Variants in LY75 observed in about 807,000 individuals in gnomAD.
The protein encoded by LY75 is lymphocyte antigen 75.
LY75 carries 185 observed loss-of-function variants against 231.7 expected under a neutral mutation model. The observed-to-expected ratio is 0.80, with a 90% CI of 0.71 to 0.90. LY75 has a LOEUF of 0.90. LY75 is among the 40% of genes least tolerant of loss of function. The pLI, the probability that LY75 is intolerant of heterozygous loss-of-function variation, is 0.00. For missense variants in LY75, 1,947 were observed against 2,050.2 expected (o/e 0.95, Z 0.97); for synonymous variants, 668 against 689.0 (o/e 0.97, Z 0.48).
chr2:159,850,412 C>T lies in LY75; in HGVS notation c.2939G>A (p.Cys980Tyr), dbSNP rs1482886122. The T allele has an allele frequency of 6.2e-7, 1 of 1,613,666 alleles. No individual in the cohort carries two copies. Among genetic ancestry groups the T allele is most frequent in the South Asian group, 1.1e-5 (1 of 91,058 alleles). The change falls in exon 22 of 35, where the codon TGT becomes TAT. Residue 980 changes from cysteine (C) to tyrosine (Y), a missense_variant. Coordinates refer to ENST00000263636, the MANE Select transcript of LY75 (RefSeq NM_002349.4). ...SLTFSQASDT[C>Y]HSYGGTLPSV... ...AGGAAGGGTGCCACCATAGGAGTGA[C>T]AGGTATCGCTTGCTTGAGAAAATGT...
At chr2:159,815,808 AC>A (rs1396154709) in intron 30 of LY75, among the ~76,000 whole-genome samples, 1 of 152,206 alleles carries the variant, frequency 6.6e-6, no homozygotes, top group Non-Finnish European at 1.5e-5. Context: ...CAGAGTTACT[AC>A]ACCTGGTCTT....
rs548739356 is a variant in LY75 at position 159,853,780 on chromosome 2, T to C, written c.2596-83A>G. ...ATTCGAATACATTGTCTTACTATAA[T>C]CACTAACCACTAAAATTTCCAGACA... is the stretch of plus-strand genomic sequence containing the variant. On this transcript the variant is annotated intron_variant, in intron 18 of 34. Coordinates refer to ENST00000263636, the MANE Select transcript of LY75 (RefSeq NM_002349.4). 9.6e-5 allele frequency: 149 copies of C among 1,558,930 alleles called. No homozygotes were observed. In the East Asian group the frequency reaches 3.3e-3, roughly 35 times the overall value.
At chr2:159,880,109 T>A (rs979256193) in intron 8 of LY75, among the ~76,000 whole-genome samples, 2 of 152,202 alleles carry the variant, frequency 1.3e-5, no homozygotes, top group African/African-American at 4.8e-5. Context: ...AAACTTCTTT[T>A]AAATACACAT....
chr2:159,805,868 T>C (rs1026630827), intron 34 of LY75, among the ~76,000 whole-genome samples: 2 of 152,154 alleles, frequency 1.3e-5, no homozygotes, highest in Admixed American at 1.3e-4. Flanking sequence ...TTCCAGTTGC[T>C]TTCCATTCCA....
intron 23 of LY75, among the ~76,000 whole-genome samples, chr2:159,842,702 G>T (rs1684074926): frequency 1.3e-5 from 2 of 152,026 alleles, no homozygotes; most frequent in African/African-American, 4.8e-5. Context: ...CAACTTATTA[G>T]ATTTTTATAG....
At chr2:159,874,157 A>ATATAAAGTATATATATTTTGTAAATATG in intron 12 of LY75, among the ~76,000 whole-genome samples, 1 of 101,338 alleles carries the variant, frequency 9.9e-6, no homozygotes, top group Non-Finnish European at 2.0e-5. Flanking sequence ...TTGTAAATAT[A>ATATAAAGTATATATATTTTGTAAATATG]TATAAACGTA....
intron 13 of LY75, among the ~76,000 whole-genome samples, chr2:159,870,466 G>A (rs1270479490): frequency 6.6e-6 from 1 of 151,854 alleles, no homozygotes; most frequent in African/African-American, 2.4e-5. Flanking sequence ...AAAACAAAAA[G>A]CAAATCTGGA....
intron 19 of LY75, 114 bp from the exon 20 acceptor site, chr2:159,853,466 C>T: frequency 2.0e-6 from 3 of 1,464,606 alleles, no homozygotes; most frequent in South Asian, 1.3e-5. Context: ...TTACTCTATA[C>T]CCCTTTTTTC....
chr2:159,882,374 C>T, intron 6 of LY75, 59 bp from the exon 7 acceptor site: 1 of 1,551,066 alleles, frequency 6.4e-7, no homozygotes, highest in East Asian at 2.3e-5. Flanking sequence ...GAATCAATAA[C>T]ATTGCAAATT....
chr2:159,888,632 A>G (rs1399705925), intron 4 of LY75, among the ~76,000 whole-genome samples: 2 of 152,204 alleles, frequency 1.3e-5, no homozygotes, highest in African/African-American at 4.8e-5. Context: ...ATGCATCTGA[A>G]TTACTTAGAC....
chr2:159,871,086 CTTCATCA>C (rs1380871343), intron 13 of LY75, among the ~76,000 whole-genome samples: 1 of 152,028 alleles, frequency 6.6e-6, no homozygotes, highest in African/African-American at 2.4e-5. Context: ...CTTAACAATG[CTTCATCA>C]TTAAGTGTGA....
In LY75 at chr2:159,878,351, A is replaced by C. The variant is rs1189193589; in HGVS notation, c.1747T>G (p.Phe583Val). ...TVGGRRRAVTFSNWNFLEPAS... is the reference protein window; with the variant it reads ...TVGGRRRAVTVSNWNFLEPAS... ...GGCTCAAGAAAATTCCAGTTGGAAA[A>C]GGTTACAGCCCGCCTTCTTCCACCA... Residue 583 changes from phenylalanine (F) to valine (V), a missense_variant, in exon 11 of 35, where the codon TTT (phenylalanine) becomes GTT (valine). By Grantham distance (50) the Phe-to-Val change is conservative. Coordinates refer to ENST00000263636, the MANE Select transcript of LY75 (RefSeq NM_002349.4). 1 of 1,613,850 alleles carries C rather than the reference A, an allele frequency of 6.2e-7. No homozygotes were observed. The highest frequency in any genetic ancestry group is 8.5e-7 in the Non-Finnish European group (1 of 1,179,932).
At chr2:159,875,399 G>A (rs751497089) in intron 12 of LY75, 45 bp downstream of exon 12, 14 of 1,595,368 alleles carry the variant, frequency 8.8e-6, no homozygotes, top group African/African-American at 1.3e-5. Context: ...CAAGGGTAGT[G>A]GAAAAATAAC....
intron 24 of LY75, among the ~76,000 whole-genome samples, 181 bp downstream of exon 24, chr2:159,842,063 CA>C (rs1185593914): frequency 6.6e-6 from 1 of 151,788 alleles, no homozygotes; most frequent in East Asian, 1.9e-4. Context: ...ATTTTAGATA[CA>C]GGGGGTACAT....
intron 4 of LY75, among the ~76,000 whole-genome samples, chr2:159,888,646 A>T (rs1234633914): frequency 6.6e-6 from 1 of 152,208 alleles, no homozygotes; most frequent in Non-Finnish European, 1.5e-5. Context: ...CTTAGACAAT[A>T]CATGTTTGCT....
At chr2:159,832,187 C>A (rs1683683541) in intron 27 of LY75, among the ~76,000 whole-genome samples, 1 of 152,248 alleles carries the variant, frequency 6.6e-6, no homozygotes, top group Admixed American at 6.5e-5. Flanking sequence ...AACCCCCGGG[C>A]CACACACTGG....
chr2:159,823,137 T>C (rs1683351687), intron 28 of LY75, among the ~76,000 whole-genome samples: 1 of 152,030 alleles, frequency 6.6e-6, no homozygotes, highest in South Asian at 2.1e-4. Flanking sequence ...AGGTGGGTAA[T>C]TACAAACTGC....
intron 8 of LY75, among the ~76,000 whole-genome samples, chr2:159,879,875 A>G (rs1020124026): frequency 4.6e-5 from 7 of 152,192 alleles, no homozygotes; most frequent in African/African-American, 1.4e-4. Context: ...TCTTTCATAT[A>G]TGCTACTTAA....
intron 12 of LY75, 90 bp from the exon 13 acceptor site, chr2:159,872,683 C>T (rs1685052844): frequency 2.1e-6 from 3 of 1,415,196 alleles, no homozygotes; most frequent in East Asian, 2.3e-5. Flanking sequence ...TGTGTGGGCC[C>T]CTGAAATGAA....
Sources: allele counts gnomAD v4.1 joint callset (sites outside exome capture counted in the v4.1 genomes callset), GRCh38; gene constraint gnomAD v4.1.1; transcripts MANE v1.5; gene names NCBI Gene and HGNC (gene_info 2026-07-23, HGNC 2026-07-21).